AKAP12: variants seen among roughly 807,000 people sequenced by gnomAD.
The protein encoded by AKAP12 is A-kinase anchor protein 12.
A neutral mutation model predicts 79.9 loss-of-function variants in AKAP12; 32 were observed. The ratio of observed to expected loss-of-function variants is 0.40; its 90% confidence interval spans 0.30 to 0.54. The LOEUF (loss-of-function observed/expected upper bound fraction) is 0.54, where lower values mean the gene tolerates loss of function less well. AKAP12 is among the 20% of genes least tolerant of loss of function. The pLI, the probability that AKAP12 is intolerant of heterozygous loss-of-function variation, is 0.48. For synonymous variants in AKAP12, 808 were observed against 857.0 expected (o/e 0.94, Z 1.00); for missense variants, 2,074 against 2,177.0 (o/e 0.95, Z 0.94).
At chr6:151,255,595 A>G (rs1278798873) in intron 2 of AKAP12, among the ~76,000 whole-genome samples, 5 of 151,984 alleles carry the variant, frequency 3.3e-5, no homozygotes, top group Non-Finnish European at 7.4e-5. Flanking sequence ...CCCAGGAGTT[A>G]AACACCAGCC....
chr6:151,270,038 G>T (rs117663199), intron 2 of AKAP12, among the ~76,000 whole-genome samples: 1 of 152,084 alleles, frequency 6.6e-6, no homozygotes, highest in Non-Finnish European at 1.5e-5. Context: ...ATGTTATAGC[G>T]TACATCAGTA....
chr6:151,344,661 G>A (rs955418596), intron 3 of AKAP12, among the ~76,000 whole-genome samples: 2 of 151,678 alleles, frequency 1.3e-5, no homozygotes, highest in Non-Finnish European at 2.9e-5. Flanking sequence ...AGCCTCCCGA[G>A]TAGCTAGGGC....
chr6:151,289,209 C>G (rs150175076), intron 2 of AKAP12, among the ~76,000 whole-genome samples: 1 of 152,210 alleles, frequency 6.6e-6, no homozygotes, highest in East Asian at 1.9e-4. Flanking sequence ...CCTTCTCCGA[C>G]AGAACCAACA....
intron 2 of AKAP12, among the ~76,000 whole-genome samples, chr6:151,299,211 A>G (rs946067318): frequency 2.0e-5 from 3 of 152,184 alleles, no homozygotes; most frequent in Admixed American, 6.5e-5. Flanking sequence ...ACATTTGGAG[A>G]TGATATAAAC....
At chr6:151,310,510 G>A (rs879304909) in intron 3 of AKAP12, among the ~76,000 whole-genome samples, 14 of 152,180 alleles carry the variant, frequency 9.2e-5, no homozygotes, top group South Asian at 2.1e-4. Context: ...TGGGGAGGTC[G>A]AGGCTGGGGT....
chr6:151,332,040 T>TGTTTTTTTG, intron 3 of AKAP12, among the ~76,000 whole-genome samples: 1 of 139,464 alleles, frequency 7.2e-6, no homozygotes, highest in African/African-American at 2.7e-5. Flanking sequence ...TCTGTTTTTT[T>TGTTTTTTTG]TTTTTTTTTT....
rs1310645004 is a variant in AKAP12 at position 151,351,649 on chromosome 6, G to C, written c.3258G>C (p.Leu1086=). Reference sequence around the variant, plus strand: ...AAGAGCAGGCTGAAGCGTCGGGTCTGAAGAAAGAGACGGATGTAGTGTTGA... The same window carrying C: ...AAGAGCAGGCTGAAGCGTCGGGTCTCAAGAAAGAGACGGATGTAGTGTTGA... ...RPEEQAEASG[L]KKETDVVLKV... Residue 1086 remains leucine, a synonymous_variant, in exon 4 of 5, where the codon CTG becomes CTC. Transcript: ENST00000402676. The surrounding 1 kb of genome is among the most constrained non-coding windows in gnomAD (Gnocchi z 4.4). 1 of 1,614,174 alleles carries C rather than the reference G, an allele frequency of 6.2e-7. No homozygotes were observed. The highest frequency in any genetic ancestry group is 1.3e-5 in the African/African-American group (1 of 75,064).
At chr6:151,293,648 C>G (rs1325377881) in intron 2 of AKAP12, among the ~76,000 whole-genome samples, 1 of 152,090 alleles carries the variant, frequency 6.6e-6, no homozygotes, top group South Asian at 2.1e-4. Context: ...ATCTGGGACC[C>G]AAAGTTAAAT....
chr6:151,297,020 T>G (rs12660208), intron 2 of AKAP12, among the ~76,000 whole-genome samples: 61 of 16,902 alleles, frequency 3.6e-3, no homozygotes, highest in Non-Finnish European at 6.7e-3. Flanking sequence ...AATAAAAGGG[T>G]TTTTTTTTTT....
At chr6:151,343,916 T>C in intron 3 of AKAP12, 1 of 439,894 alleles carries the variant, frequency 2.3e-6, no homozygotes, top group Middle Eastern at 3.4e-4. Flanking sequence ...CATTTTCTTA[T>C]TTCAGAATAC....
At chr6:151,251,024 T>A (rs1797163647) in intron 2 of AKAP12, among the ~76,000 whole-genome samples, 1 of 152,272 alleles carries the variant, frequency 6.6e-6, no homozygotes, top group Non-Finnish European at 1.5e-5. Flanking sequence ...CCTTTCTAGA[T>A]GAAATATTCA....
At chr6:151,255,954 G>T (rs929058951) in intron 2 of AKAP12, among the ~76,000 whole-genome samples, 2 of 126,976 alleles carry the variant, frequency 1.6e-5, no homozygotes, top group Non-Finnish European at 3.2e-5. Flanking sequence ...AGCTGAGCAT[G>T]TACCCAGCCA....
intron 3 of AKAP12, among the ~76,000 whole-genome samples, chr6:151,306,288 C>A (rs1187570016): frequency 6.6e-6 from 1 of 152,162 alleles, no homozygotes; most frequent in African/African-American, 2.4e-5. Flanking sequence ...AAGGCACGTA[C>A]CCCTCTTTGC....
At chr6:151,345,595 G>C (rs1232553496) in intron 3 of AKAP12, among the ~76,000 whole-genome samples, 1 of 150,568 alleles carries the variant, frequency 6.6e-6, no homozygotes, top group Non-Finnish European at 1.5e-5. Flanking sequence ...AGGAGTTCTC[G>C]AGACCAGCCT....
At chr6:151,325,785 G>A in intron 3 of AKAP12, 2 of 1,611,732 alleles carry the variant, frequency 1.2e-6, no homozygotes, top group Non-Finnish European at 1.7e-6. Flanking sequence ...CGGTTGGCAG[G>A]CAGGAGACTA....
chr6:151,241,653 A>G (rs187907693), intron 2 of AKAP12, among the ~76,000 whole-genome samples: 2 of 152,128 alleles, frequency 1.3e-5, no homozygotes, highest in African/African-American at 2.4e-5. Flanking sequence ...GCATGTGTTC[A>G]TTAGCAAGGC....
chr6:151,348,017 C>CA (rs34068923), intron 3 of AKAP12, among the ~76,000 whole-genome samples: 2,280 of 142,734 alleles, frequency 0.016, 59 homozygotes, highest in African/African-American at 0.059. Context: ...ACTAAAAATA[C>CA]AAAAAAAAAA....
At chr6:151,308,915 C>T (rs1289184146) in intron 3 of AKAP12, among the ~76,000 whole-genome samples, 2 of 152,158 alleles carry the variant, frequency 1.3e-5, no homozygotes, top group African/African-American at 2.4e-5. Context: ...TGCTCTGTCA[C>T]CCAAGCTGGA....
chr6:151,319,443 G>GTCTATCTATCTATCTA (rs59954289), intron 3 of AKAP12, among the ~76,000 whole-genome samples: 131 of 140,312 alleles, frequency 9.3e-4, no homozygotes, highest in South Asian at 1.7e-3. Context: ...ACAGGTGTCT[G>GTCTATCTATCTATCTA]TCTATCTATC....
Sources: allele counts gnomAD v4.1 joint callset (sites outside exome capture counted in the v4.1 genomes callset), GRCh38; gene constraint gnomAD v4.1.1; non-coding constraint Gnocchi (gnomAD v3.1); transcripts MANE v1.5; gene names NCBI Gene and HGNC (gene_info 2026-07-23, HGNC 2026-07-21).